Variants in TRIM9 observed in about 807,000 individuals in gnomAD.
The protein encoded by TRIM9 is tripartite motif containing 9, also known as E3 ubiquitin-protein ligase TRIM9.
Under a neutral mutation model 78.3 loss-of-function variants are expected in TRIM9, and 26 were observed. That is an observed-to-expected ratio of 0.33 (90% CI 0.24 to 0.46). The LOEUF is 0.46. Ranked by LOEUF, TRIM9 falls within the 20% of genes least tolerant of loss-of-function variation. TRIM9 has a pLI of 1.00. For missense variants in TRIM9, 787 were observed against 1,036.4 expected, an observed-to-expected ratio of 0.76 and a Z score of 3.30; for synonymous variants, 398 against 416.5, an observed-to-expected ratio of 0.96 and a Z score of 0.54.
chr14:51,086,142 G>T (rs1436806611), intron 1 of TRIM9, among the ~76,000 whole-genome samples: 1 of 152,200 alleles, frequency 6.6e-6, no homozygotes, highest in Non-Finnish European at 1.5e-5. Context: ...ATTGAAGTTT[G>T]TAAGTTCATA....
At chr14:50,995,742 G>A (rs1459124485) in intron 7 of TRIM9, among the ~76,000 whole-genome samples, 7 of 151,592 alleles carry the variant, frequency 4.6e-5, no homozygotes, top group Non-Finnish European at 8.8e-5. Context: ...AAGCCAGAAC[G>A]CACCACCCCA....
intron 1 of TRIM9, among the ~76,000 whole-genome samples, chr14:51,045,932 G>GA (rs1006481437): frequency 7.4e-5 from 11 of 148,392 alleles, no homozygotes; most frequent in African/African-American, 2.5e-4. Flanking sequence ...TCCATCAACA[G>GA]AAAAAAAAAG....
rs573965310 is a variant in TRIM9 at position 51,001,331 on chromosome 14, A to G, written c.1307-491T>C. ...TGCAAGCTCCGCCTCCCGGGTTCAC[A>G]CCATTCTCCTGCCTCAGCCTCCGGA... On this transcript the variant is annotated intron_variant, in intron 5 of 12. Transcript: ENST00000684578. Among the ~76,000 whole-genome samples, 18 of 148,860 alleles carry G rather than the reference A, an allele frequency of 1.2e-4. No individual in the cohort carries two copies. The East Asian group carries it at 1.6e-3, about 13-fold the overall frequency.
At chr14:51,023,166 T>C (rs1171820982) in intron 2 of TRIM9, among the ~76,000 whole-genome samples, 1 of 152,230 alleles carries the variant, frequency 6.6e-6, no homozygotes, top group Non-Finnish European at 1.5e-5. Flanking sequence ...TAAATATTTA[T>C]CACTTAAATT....
chr14:51,023,399 A>C (rs1230189572), intron 2 of TRIM9, among the ~76,000 whole-genome samples: 1 of 152,222 alleles, frequency 6.6e-6, no homozygotes, highest in Non-Finnish European at 1.5e-5. Context: ...ACTGGTCTTC[A>C]ATATTAACAA....
chr14:50,999,359 A>G (rs1416498736), intron 6 of TRIM9, among the ~76,000 whole-genome samples: 1 of 149,376 alleles, frequency 6.7e-6, no homozygotes, highest in Non-Finnish European at 1.5e-5. Context: ...GATTTTACAC[A>G]CACACAACAC....
chr14:51,010,257 G>T, intron 4 of TRIM9, 127 bp downstream of exon 4: 1 of 671,154 alleles, frequency 1.5e-6, no homozygotes, highest in Non-Finnish European at 2.6e-6. Context: ...GTACACTGCA[G>T]TGTGAGGTAG....
intron 1 of TRIM9, among the ~76,000 whole-genome samples, chr14:51,067,594 G>A (rs1169510820): frequency 6.6e-6 from 1 of 152,056 alleles, no homozygotes; most frequent in African/African-American, 2.4e-5. Context: ...GTAGCCCACT[G>A]GGCTTCTTTC....
intron 1 of TRIM9, among the ~76,000 whole-genome samples, chr14:51,060,970 A>G (rs1408052299): frequency 1.3e-5 from 2 of 152,236 alleles, no homozygotes; most frequent in East Asian, 3.8e-4. Flanking sequence ...AGTCTTTTTC[A>G]TTTTAATAAG....
chr14:51,012,858 G>A (rs528928220), intron 3 of TRIM9, among the ~76,000 whole-genome samples: 4 of 152,172 alleles, frequency 2.6e-5, no homozygotes, highest in South Asian at 2.1e-4. Flanking sequence ...GTGTACCCTC[G>A]CTGCTAATCA....
At chr14:50,997,476 A>T (rs1217345150) in intron 7 of TRIM9, 1 of 985,550 alleles carries the variant, frequency 1.0e-6, no homozygotes, top group African/African-American at 1.7e-5. Context: ...CCTGGTGCTG[A>T]CGGCCTCCGC....
chr14:51,027,687 G>A (rs1301081190), intron 1 of TRIM9, among the ~76,000 whole-genome samples: 2 of 152,164 alleles, frequency 1.3e-5, no homozygotes, highest in East Asian at 1.9e-4. Context: ...ATTATTTGGA[G>A]TAAAAGTTTC....
At chr14:51,032,073 T>A (rs932202454) in intron 1 of TRIM9, among the ~76,000 whole-genome samples, 1 of 152,234 alleles carries the variant, frequency 6.6e-6, no homozygotes. Flanking sequence ...CAAAAGCTAA[T>A]GCATAGTGAC....
Position 51,095,044 on chromosome 14 carries a change from T to TGTG in TRIM9, c.-108_-106dup. 1 of 861,502 alleles carries TGTG rather than the reference T, an allele frequency of 1.2e-6. No homozygotes were observed. Among genetic ancestry groups the TGTG allele is most frequent in the East Asian group, 3.0e-5 (1 of 33,226 alleles). 53.4% of individuals were successfully genotyped at this position (861,502 alleles called of 1,614,324 possible). On this transcript the variant is annotated 5_prime_UTR_variant, in exon 1 of 13. Coordinates refer to ENST00000684578, the MANE Select transcript of TRIM9 (RefSeq NM_001387360.1). Reference sequence around the variant, plus strand: ...CAGCACCCTGGCCAGCGGCGGCGGCTGTGGTGGTGGTGCCTTCCCGCGCAG... The same window carrying TGTG: ...CAGCACCCTGGCCAGCGGCGGCGGCTGTGGTGGTGGTGGTGCCTTCCCGCGCAG...
intron 1 of TRIM9, among the ~76,000 whole-genome samples, chr14:51,084,070 A>T (rs1244008308): frequency 6.6e-6 from 1 of 152,236 alleles, no homozygotes; most frequent in Non-Finnish European, 1.5e-5. Context: ...ATTTAAAAAT[A>T]TATGGGAAAT....
chr14:51,083,609 C>G (rs2063504812), intron 1 of TRIM9, among the ~76,000 whole-genome samples: 2 of 151,820 alleles, frequency 1.3e-5, no homozygotes, highest in Non-Finnish European at 2.9e-5. Flanking sequence ...AAGATGCTTG[C>G]ATTCATTGGT....
chr14:51,082,699 T>G (rs1169436044), intron 1 of TRIM9, among the ~76,000 whole-genome samples: 1 of 152,228 alleles, frequency 6.6e-6, no homozygotes, highest in African/African-American at 2.4e-5. Context: ...TGCACAACTC[T>G]GTGAATGAAT....
At chr14:51,067,714 T>C (rs898421386) in intron 1 of TRIM9, among the ~76,000 whole-genome samples, 2 of 152,086 alleles carry the variant, frequency 1.3e-5, no homozygotes, top group Non-Finnish European at 2.9e-5. Flanking sequence ...ACCATTTAGG[T>C]CTCAGTTCAG....
rs1440396147 is a variant in TRIM9 at position 50,998,157 on chromosome 14, G to C, written c.1496C>G (p.Thr499Ser). The change falls in exon 7 of 13, where the codon ACT becomes AGT. Residue 499 changes from threonine (T) to serine (S), a missense_variant. By Grantham distance (58) the Thr-to-Ser change is moderately conservative. Coordinates refer to ENST00000684578, the MANE Select transcript of TRIM9 (RefSeq NM_001387360.1). ...GCTGTTGAAGTGAAGACCATCCACAGTGCACATTGTCTCCTTCCCCACATA... is the reference window on the plus strand; with the variant it reads ...GCTGTTGAAGTGAAGACCATCCACACTGCACATTGTCTCCTTCCCCACATA... ...EVYVGKETMC[T>S]VDGLHFNSTY... 6.2e-7 allele frequency: 1 copy of C among 1,614,058 alleles called. No homozygotes were observed. The highest frequency in any genetic ancestry group is 8.5e-7 in the Non-Finnish European group (1 of 1,180,034).
Sources: allele counts gnomAD v4.1 joint callset (sites outside exome capture counted in the v4.1 genomes callset), GRCh38; gene constraint gnomAD v4.1.1; transcripts MANE v1.5; gene names NCBI Gene and HGNC (gene_info 2026-07-23, HGNC 2026-07-21).